Variants in DOCK3 observed in about 807,000 individuals in gnomAD.
DOCK3 encodes dedicator of cytokinesis 3.
A neutral mutation model predicts 265.6 loss-of-function variants in DOCK3; 60 were observed. The observed-to-expected ratio is 0.23, with a 90% CI of 0.18 to 0.28. DOCK3 has a LOEUF of 0.28. Ranked by LOEUF, DOCK3 falls within the 10% of genes least tolerant of loss-of-function variation. The pLI is 1.00. For synonymous variants in DOCK3, 881 were observed against 938.0 expected, an observed-to-expected ratio of 0.94 and a Z score of 1.11; for missense variants, 1,981 against 2,594.3, an observed-to-expected ratio of 0.76 and a Z score of 5.14.
chr3:51,380,134 C>A lies in DOCK3; in HGVS notation c.5510C>A (p.Ser1837Tyr). The A allele has an allele frequency of 6.2e-7, 1 of 1,613,596 alleles. No homozygotes were observed. The highest frequency in any genetic ancestry group is 8.5e-7 in the Non-Finnish European group (1 of 1,179,672). ...NLSVAEKGHY[S>Y]LHFDAFHHPL... is the part of the protein sequence containing the mutation. ...TCTGTTCCCTTTGCAGGTCATTACT[C>A]CCTACACTTTGACGCCTTCCACCAC... Residue 1837 changes from serine (S) to tyrosine (Y), a missense_variant, in exon 52 of 53, where the codon TCC becomes TAC. Ser to Tyr is a moderately radical substitution (Grantham distance 144). Around this residue, in one of 4 missense-constraint regions of DOCK3, gnomAD observed 1,357 missense variants for 1,866.8 expected, o/e 0.73. Coordinates refer to ENST00000266037, the MANE Select transcript of DOCK3 (RefSeq NM_004947.5).
intron 5 of DOCK3, among the ~76,000 whole-genome samples, chr3:50,972,407 T>C (rs1177211739): frequency 1.3e-5 from 2 of 152,332 alleles, no homozygotes; most frequent in East Asian, 3.9e-4. Flanking sequence ...GCTCCTGGGA[T>C]GGAACCACAC....
chr3:51,134,992 G>C (rs1000973444), intron 9 of DOCK3, among the ~76,000 whole-genome samples: 1 of 152,026 alleles, frequency 6.6e-6, no homozygotes, highest in South Asian at 2.1e-4. Flanking sequence ...ACAATGCCTG[G>C]TGCGCAAAAA....
intron 1 of DOCK3, among the ~76,000 whole-genome samples, chr3:50,751,430 T>C (rs1004713435): frequency 1.3e-5 from 2 of 152,136 alleles, no homozygotes; most frequent in African/African-American, 4.8e-5. Flanking sequence ...CTTCCCCCAA[T>C]GCCTGGACAG....
chr3:50,817,118 T>C (rs2044130136), intron 2 of DOCK3, among the ~76,000 whole-genome samples: 1 of 152,210 alleles, frequency 6.6e-6, no homozygotes, highest in Non-Finnish European at 1.5e-5. Context: ...TCATGCCTCC[T>C]CATTTTAGAC....
chr3:51,008,307 T>A (rs150576287), intron 5 of DOCK3, among the ~76,000 whole-genome samples: 1,716 of 152,286 alleles, frequency 0.011, 43 homozygotes, highest in African/African-American at 0.039. Flanking sequence ...CATTGAGCAG[T>A]GGTTTGTAGT....
chr3:51,366,729 C>G (rs1241591867), intron 49 of DOCK3, among the ~76,000 whole-genome samples: 1 of 152,186 alleles, frequency 6.6e-6, no homozygotes, highest in African/African-American at 2.4e-5. Flanking sequence ...TTTATTTCTG[C>G]CTTCATTTCG....
intron 5 of DOCK3, among the ~76,000 whole-genome samples, chr3:50,947,502 A>G (rs2076459077): frequency 1.3e-5 from 2 of 152,172 alleles, no homozygotes; most frequent in African/African-American, 2.4e-5. Context: ...CGTTAATACA[A>G]TAAGATAGCA....
At chr3:51,223,747 A>G (rs1055313066) in intron 14 of DOCK3, among the ~76,000 whole-genome samples, 1 of 152,204 alleles carries the variant, frequency 6.6e-6, no homozygotes, top group African/African-American at 2.4e-5. Context: ...TTAAAGGAGA[A>G]AGTTAAAATG....
Position 50,774,624 on chromosome 3 carries a change from ACAGT to A in DOCK3, c.38-4047_38-4044del, listed in dbSNP as rs538686549. 2.1e-3 allele frequency among the ~76,000 whole-genome samples: 316 copies of A among 152,116 alleles called. 2 individuals carry two copies. The highest frequency in any genetic ancestry group is 7.0e-3 in the African/African-American group (291 of 41,534). On this transcript the variant is annotated intron_variant, in intron 1 of 52. Transcript: ENST00000266037. ...ATTCTTTTGGATTTTTTTTACATAC[ACAGT>A]CAGACCTGCTGATAAAGACAATTTT...
intron 22 of DOCK3, among the ~76,000 whole-genome samples, chr3:51,257,463 TAA>T (rs2079610426): frequency 6.6e-6 from 1 of 152,170 alleles, no homozygotes; most frequent in Non-Finnish European, 1.5e-5. Flanking sequence ...AAGGTGAAAA[TAA>T]AAAGTTTATT....
intron 9 of DOCK3, among the ~76,000 whole-genome samples, chr3:51,097,341 G>A (rs187710925): frequency 9.8e-5 from 15 of 152,330 alleles, no homozygotes; most frequent in African/African-American, 3.4e-4. Context: ...TCTGGCTACA[G>A]AGGCTTTGAG....
chr3:50,981,788 A>G (rs374278107), intron 5 of DOCK3, among the ~76,000 whole-genome samples: 1 of 151,884 alleles, frequency 6.6e-6, no homozygotes, highest in East Asian at 1.9e-4. Flanking sequence ...TTTGATTTCC[A>G]TTTGCATGAA....
At chr3:50,779,049 A>G (rs1363554150) in intron 2 of DOCK3, among the ~76,000 whole-genome samples, 1 of 152,214 alleles carries the variant, frequency 6.6e-6, no homozygotes, top group African/African-American at 2.4e-5. Context: ...TACAATGTGT[A>G]ATAATCACAT....
chr3:51,279,047 G>A (rs544266362), intron 26 of DOCK3, among the ~76,000 whole-genome samples: 3 of 152,180 alleles, frequency 2.0e-5, no homozygotes, highest in African/African-American at 7.2e-5. Context: ...TCAGGAGTTC[G>A]AGACTAGCCT....
At chr3:51,309,674 G>A (rs7640083) in intron 27 of DOCK3, among the ~76,000 whole-genome samples, 125,071 of 152,154 alleles carry the variant, frequency 0.82, 51,996 homozygotes, top group Middle Eastern at 0.9. Flanking sequence ...CTTACAGAGC[G>A]TACATGGGAC....
intron 3 of DOCK3, among the ~76,000 whole-genome samples, chr3:50,865,549 C>T (rs1467442178): frequency 6.6e-6 from 1 of 152,188 alleles, no homozygotes; most frequent in Non-Finnish European, 1.5e-5. Flanking sequence ...ATCCATTTGT[C>T]TGTTGATAGA....
chr3:51,318,048 C>A (rs2083470768), intron 32 of DOCK3, among the ~76,000 whole-genome samples: 1 of 151,940 alleles, frequency 6.6e-6, no homozygotes, highest in Non-Finnish European at 1.5e-5. Context: ...CTATAACATT[C>A]CTGCTGAGAT....
chr3:51,180,457 A>G (rs760165718), intron 12 of DOCK3, among the ~76,000 whole-genome samples: 4 of 152,166 alleles, frequency 2.6e-5, no homozygotes, highest in Non-Finnish European at 5.9e-5. Context: ...TGTAGGGAAG[A>G]ATGTATTGTT....
At chr3:50,940,584 A>G (rs1340508804) in intron 5 of DOCK3, among the ~76,000 whole-genome samples, 14 of 152,128 alleles carry the variant, frequency 9.2e-5, no homozygotes, top group Admixed American at 9.2e-4. Context: ...ATTTTTTTAA[A>G]TTAAAAATAA....
Sources: gnomAD v4.1 joint callset for allele counts (sites outside exome capture counted in the v4.1 genomes callset) on GRCh38, gnomAD v4.1.1 for gene constraint, gnomAD v4.1.1 regional missense constraint, MANE v1.5 for transcripts, NCBI Gene and HGNC (gene_info 2026-07-23, HGNC 2026-07-21) for gene names.